WFS1: variants seen among roughly 807,000 people sequenced by gnomAD.
The protein encoded by WFS1 is wolframin ER transmembrane glycoprotein.
A neutral mutation model predicts 68.5 loss-of-function variants in WFS1; 90 were observed. That is an observed-to-expected ratio of 1.31 (90% CI 1.11 to 1.56). The LOEUF (loss-of-function observed/expected upper bound fraction) is 1.56, where lower values mean the gene tolerates loss of function less well. WFS1 is among the 40% of genes most tolerant of loss of function. The pLI, the probability that WFS1 is intolerant of heterozygous loss-of-function variation, is 0.00. For synonymous variants in WFS1, 860 were observed against 540.7 expected, an observed-to-expected ratio of 1.59 and a Z score of -8.19; for missense variants, 1,767 against 1,232.6, an observed-to-expected ratio of 1.43 and a Z score of -6.49.
chr4:6,299,631 G>A (rs1221621614), intron 7 of WFS1, among the ~76,000 whole-genome samples: 40 of 99,462 alleles, frequency 4.0e-4, no homozygotes, highest in South Asian at 1.6e-3. Flanking sequence ...TGTGTGTGTA[G>A]GGGTGGGTTG....
At chr4:6,298,850 G>T (rs141394240) in intron 7 of WFS1, among the ~76,000 whole-genome samples, 62 of 152,346 alleles carry the variant, frequency 4.1e-4, no homozygotes, top group Middle Eastern at 3.4e-3. Context: ...CTTCTGGTGG[G>T]CCTGGTGGAG....
intron 2 of WFS1, among the ~76,000 whole-genome samples, chr4:6,285,043 T>A (rs998727933): frequency 1.3e-5 from 2 of 151,582 alleles, no homozygotes; most frequent in South Asian, 4.3e-4. Context: ...GTCTGGGGGC[T>A]CTGGGGAGGG....
chr4:6,286,772 CAAGGGGTGTGA>C (rs1730321143), intron 2 of WFS1, among the ~76,000 whole-genome samples: 1 of 152,204 alleles, frequency 6.6e-6, no homozygotes, highest in Non-Finnish European at 1.5e-5. Context: ...AGGCCTAGGC[CAAGGGGTGTGA>C]TGGTGGGACT....
chr4:6,280,586 C>G (rs752016032), intron 2 of WFS1, among the ~76,000 whole-genome samples: 1 of 152,280 alleles, frequency 6.6e-6, no homozygotes, highest in Non-Finnish European at 1.5e-5. Context: ...AGGGCGGGCT[C>G]AGATGCACAG....
At chr4:6,270,754 G>C (rs1195960034) in intron 1 of WFS1, among the ~76,000 whole-genome samples, 3 of 152,216 alleles carry the variant, frequency 2.0e-5, no homozygotes, top group Non-Finnish European at 4.4e-5. Context: ...CACCCACTTA[G>C]CAGATGATGT....
At position 6,291,368 on chromosome 4, in the gene WFS1, G is replaced by A. The variant is rs1432199438; in HGVS notation, c.631+1G>A. 1.9e-6 allele frequency: 3 copies of A among 1,612,026 alleles called. No individual in the cohort carries two copies. Among genetic ancestry groups the A allele is most frequent in the Non-Finnish European group, 2.5e-6 (3 of 1,180,002 alleles). On this transcript the variant is annotated splice_donor_variant, in intron 5 of 7. Coordinates refer to ENST00000226760, the MANE Select transcript of WFS1 (RefSeq NM_006005.3). LOFTEE classifies it high-confidence loss of function. ...AATGTCGGCCAGGTCAACGAGCACG[G>A]TGCGAGGATTCACCCTGGGCACCAG... is the stretch of plus-strand genomic sequence containing the variant.
chr4:6,273,299 G>T (rs192129833), intron 1 of WFS1, among the ~76,000 whole-genome samples: 1 of 152,228 alleles, frequency 6.6e-6, no homozygotes, highest in Admixed American at 6.5e-5. Flanking sequence ...GTGTTTGGAC[G>T]GGATAAAAAT....
chr4:6,301,430 G>T lies in WFS1; in HGVS notation c.1635G>T (p.Val545=). Residue 545 remains valine, a synonymous_variant, in exon 8 of 8, where the codon GTG becomes GTT. Transcript: ENST00000226760. ...GCTTCATGTGGTGTGAGCTCTCCGT[G>T]GTCATCCTGCTGGAGTCCACCGGCC... ...LVCFMWCELS[V]VILLESTGLG... is the part of the protein sequence containing the mutation. 5 of 1,612,468 alleles carry T rather than the reference G, an allele frequency of 3.1e-6. No individual in the cohort carries two copies. The South Asian group carries it at 4.4e-5, about 14-fold the overall frequency.
chr4:6,281,191 A>G (rs1006120948), intron 2 of WFS1, among the ~76,000 whole-genome samples: 1 of 152,146 alleles, frequency 6.6e-6, no homozygotes, highest in Non-Finnish European at 1.5e-5. Context: ...GCACCCACCA[A>G]TGCTGACTGA....
intron 1 of WFS1, among the ~76,000 whole-genome samples, chr4:6,274,402 A>G (rs1475233127): frequency 6.6e-6 from 1 of 151,692 alleles, no homozygotes; most frequent in Non-Finnish European, 1.5e-5. Context: ...CACACACGTA[A>G]TCCCCATAGC....
At chr4:6,292,326 G>C (rs1730489218) in intron 6 of WFS1, among the ~76,000 whole-genome samples, 1 of 152,136 alleles carries the variant, frequency 6.6e-6, no homozygotes, top group South Asian at 2.1e-4. Flanking sequence ...GGGACTGGCG[G>C]GGGGGTCCTG....
intron 5 of WFS1, 39 bp downstream of exon 5, chr4:6,291,406 G>T: frequency 6.2e-7 from 1 of 1,605,226 alleles, no homozygotes; most frequent in African/African-American, 1.3e-5. Context: ...TTCCCTGGGC[G>T]CCAGCCTTCC....
At chr4:6,281,903 C>A (rs1279009382) in intron 2 of WFS1, among the ~76,000 whole-genome samples, 1 of 152,248 alleles carries the variant, frequency 6.6e-6, no homozygotes, top group Admixed American at 6.5e-5. Flanking sequence ...CTTCTGGGAA[C>A]TTGGCAGTGT....
chr4:6,297,743 T>A (rs1014134218), intron 7 of WFS1, among the ~76,000 whole-genome samples: 1 of 152,212 alleles, frequency 6.6e-6, no homozygotes, highest in African/African-American at 2.4e-5. Context: ...CCTCATAGTT[T>A]TTAAGTTTCG....
intron 4 of WFS1, 134 bp downstream of exon 4, chr4:6,289,265 C>T: frequency 8.0e-7 from 1 of 1,254,296 alleles, no homozygotes; most frequent in Non-Finnish European, 1.1e-6. Flanking sequence ...TTCTGTTTTG[C>T]TGGTGGCCTT....
rs148859368 is a variant in WFS1 at position 6,299,270 on chromosome 4, T to G, written c.862-1387T>G. 1.7e-3 allele frequency among the ~76,000 whole-genome samples: 255 copies of G among 152,316 alleles called. 1 individual carries two copies. The highest frequency in any genetic ancestry group is 6.0e-3 in the African/African-American group (248 of 41,562). On this transcript the variant is annotated intron_variant, in intron 7 of 7. Transcript: ENST00000226760. Reference sequence around the variant, plus strand: ...ATCCTGAGGCTGCTCCCAGCATGCCTCCCTCAGCCCTCTGCTCCTCTTGGC... The same window carrying G: ...ATCCTGAGGCTGCTCCCAGCATGCCGCCCTCAGCCCTCTGCTCCTCTTGGC...
rs981402435 is a variant in WFS1, at chr4:6,302,593, A to G, written c.*125A>G. On this transcript the variant is annotated 3_prime_UTR_variant, in exon 8 of 8. Transcript: ENST00000226760. ...ACGTGTGCAGACTGTGGCTGCAGAG[A>G]CCTTGCGACCATGTGTAGATTGCGT... 1.0e-5 allele frequency: 14 copies of G among 1,403,990 alleles called. No individual in the cohort carries two copies. The African/African-American group carries it at 1.4e-4, about 14-fold the overall frequency. The allele number at this position is 1,403,990 out of a possible 1,614,324, so 87.0% of individuals were successfully genotyped here. A position where few individuals can be genotyped will look rare whatever the true frequency, so the allele number is the denominator to read the frequency against.
chr4:6,290,681 T>C (rs1308727150), intron 4 of WFS1, among the ~76,000 whole-genome samples: 1 of 152,202 alleles, frequency 6.6e-6, no homozygotes, highest in Non-Finnish European at 1.5e-5. Flanking sequence ...AGGCAGCTGC[T>C]GACCAGCGGT....
intron 1 of WFS1, among the ~76,000 whole-genome samples, chr4:6,272,461 T>C (rs914931905): frequency 6.6e-6 from 1 of 152,106 alleles, no homozygotes; most frequent in Non-Finnish European, 1.5e-5. Flanking sequence ...TGAGCAAAAA[T>C]AGGTACCTGG....
Sources: allele counts gnomAD v4.1 joint callset (sites outside exome capture counted in the v4.1 genomes callset), GRCh38; gene constraint gnomAD v4.1.1; transcripts MANE v1.5; gene names NCBI Gene and HGNC (gene_info 2026-07-23, HGNC 2026-07-21).